NCOA1: variants seen among roughly 807,000 people sequenced by gnomAD.
NCOA1 encodes nuclear receptor coactivator 1.
NCOA1 carries 35 observed loss-of-function variants against 150.9 expected under a neutral mutation model. The observed-to-expected ratio is 0.23, with a 90% CI of 0.18 to 0.31. The LOEUF (loss-of-function observed/expected upper bound fraction) is 0.31, where lower values mean the gene tolerates loss of function less well. NCOA1 is among the 10% of genes least tolerant of loss of function. The probability of loss-of-function intolerance (pLI) is 1.00; values close to 1 mark genes in which losing one functional copy is unlikely to be tolerated. For missense variants in NCOA1, 1,491 were observed against 1,749.3 expected, an observed-to-expected ratio of 0.85 and a Z score of 2.63; for synonymous variants, 590 against 630.0, an observed-to-expected ratio of 0.94 and a Z score of 0.95.
chr2:24,602,298 C>T (rs1668157715), intron 3 of NCOA1, among the ~76,000 whole-genome samples: 1 of 152,042 alleles, frequency 6.6e-6, no homozygotes, highest in Non-Finnish European at 1.5e-5. Flanking sequence ...CCTCCCAGGC[C>T]CAAGCAGTTC....
At chr2:24,509,747 G>T (rs183464652) in intron 1 of NCOA1, among the ~76,000 whole-genome samples, 6 of 152,304 alleles carry the variant, frequency 3.9e-5, no homozygotes, top group African/African-American at 1.4e-4. Flanking sequence ...GCTTAGTACA[G>T]ATGGGTTTAA....
intron 22 of NCOA1, among the ~76,000 whole-genome samples, 158 bp downstream of exon 22, chr2:24,762,934 G>A (rs1201112093): frequency 6.6e-6 from 1 of 152,186 alleles, no homozygotes; most frequent in Non-Finnish European, 1.5e-5. Flanking sequence ...ATGTTATGGA[G>A]CTTTCCTGAG....
At chr2:24,709,554 C>A (rs1472688421) in intron 13 of NCOA1, among the ~76,000 whole-genome samples, 1 of 151,970 alleles carries the variant, frequency 6.6e-6, no homozygotes, top group African/African-American at 2.4e-5. Context: ...ATGTATGAGT[C>A]CTTTATTGGA....
At chr2:24,578,296 A>G (rs1417700855) in intron 2 of NCOA1, among the ~76,000 whole-genome samples, 1 of 152,118 alleles carries the variant, frequency 6.6e-6, no homozygotes, top group Non-Finnish European at 1.5e-5. Flanking sequence ...TCATATGCAA[A>G]TGTTATGGTT....
At chr2:24,627,121 G>GTTTTTTTTTTTTTTTTTTT (rs33949925) in intron 3 of NCOA1, among the ~76,000 whole-genome samples, 1 of 115,160 alleles carries the variant, frequency 8.7e-6, no homozygotes, top group Non-Finnish European at 1.7e-5. Context: ...GTTTTTTGCT[G>GTTTTTTTTTTTTTTTTTTT]TTTTTTTTTT....
chr2:24,612,978 C>A (rs1394638203), intron 3 of NCOA1, among the ~76,000 whole-genome samples: 2 of 152,150 alleles, frequency 1.3e-5, no homozygotes, highest in Non-Finnish European at 1.5e-5. Flanking sequence ...GGCCAGAATT[C>A]TTGCACTGGT....
chr2:24,686,027 G>A lies in NCOA1; in HGVS notation c.532+2899G>A, dbSNP rs553214707. 3.0e-4 allele frequency among the ~76,000 whole-genome samples: 46 copies of A among 152,242 alleles called. 1 individual carries two copies. The South Asian group carries it at 9.5e-3, about 32-fold the overall frequency. On this transcript the variant is annotated intron_variant, in intron 8 of 22. Transcript: ENST00000348332. ...TTATTTCTTTATATTTTGAGACAGA[G>A]TTTCACTCTTGTCACCCAGGCTGGA...
intron 6 of NCOA1, among the ~76,000 whole-genome samples, chr2:24,671,602 C>A (rs1051889539): frequency 6.6e-6 from 1 of 152,202 alleles, no homozygotes; most frequent in East Asian, 1.9e-4. Flanking sequence ...ACTCTGTCAC[C>A]CAGGCTGGAG....
chr2:24,710,388 G>A (rs182419175), intron 13 of NCOA1, among the ~76,000 whole-genome samples: 15 of 152,176 alleles, frequency 9.9e-5, no homozygotes, highest in African/African-American at 3.1e-4. Flanking sequence ...CATGGCACCC[G>A]GCCTCCCTAT....
Position 24,679,734 on chromosome 2 carries a change from C to A in NCOA1, c.355-3217C>A, listed in dbSNP as rs180824509. ...CCAATTTAGATATGAGTGTACTTTC[C>A]TGTGCTCATCTAAACCCAAAATATT... On this transcript the variant is annotated intron_variant, in intron 7 of 22. Coordinates refer to ENST00000348332, the MANE Select transcript of NCOA1 (RefSeq NM_003743.5). 7.4e-3 allele frequency among the ~76,000 whole-genome samples: 1,120 copies of A among 152,130 alleles called. 12 individuals are homozygous for A. The highest frequency in any genetic ancestry group is 0.025 in the African/African-American group (1,048 of 41,478).
At chr2:24,686,797 C>T in intron 8 of NCOA1, among the ~76,000 whole-genome samples, 1 of 152,006 alleles carries the variant, frequency 6.6e-6, no homozygotes, top group Non-Finnish European at 1.5e-5. Context: ...TATTTAGCAG[C>T]TTATATTTGA....
rs911706123 is a variant in NCOA1 at position 24,491,356 on chromosome 2, G to T, written c.-642G>T. Among the ~76,000 whole-genome samples, 2 of 148,122 alleles carry T rather than the reference G, an allele frequency of 1.4e-5. No homozygotes were observed. Among genetic ancestry groups the T allele is most frequent in the African/African-American group, 4.9e-5 (2 of 41,072 alleles). The stretch of plus-strand genomic sequence containing the variant: ...GCGGGAGTCTGACGCGATTTGCTGA[G>T]CTCTGTCCTCCGACGGCTGCCTCGC... On this transcript the variant is annotated 5_prime_UTR_variant, in exon 1 of 23. Coordinates refer to ENST00000348332, the MANE Select transcript of NCOA1 (RefSeq NM_003743.5).
At chr2:24,555,742 GTTTGT>G (rs1395605365) in intron 1 of NCOA1, among the ~76,000 whole-genome samples, 4 of 152,106 alleles carry the variant, frequency 2.6e-5, no homozygotes, top group Non-Finnish European at 5.9e-5. Flanking sequence ...TTGTTCTGAG[GTTTGT>G]TTTGTCGATA....
At chr2:24,640,602 G>A (rs575611064) in intron 3 of NCOA1, among the ~76,000 whole-genome samples, 6 of 152,120 alleles carry the variant, frequency 3.9e-5, no homozygotes, top group Non-Finnish European at 8.8e-5. Context: ...AAGCCTGGGA[G>A]CTCAAGACCA....
chr2:24,711,178 C>T lies in NCOA1; in HGVS notation c.2599+67C>T, dbSNP rs55775621. Reference sequence around the variant, plus strand: ...TAATGTGGATTAGCATTTTGTCTCTCACCAGTATTACACAGATCCTTTGCT... The same window carrying T: ...TAATGTGGATTAGCATTTTGTCTCTTACCAGTATTACACAGATCCTTTGCT... On this transcript the variant is annotated intron_variant, in intron 14 of 22. Coordinates refer to ENST00000348332, the MANE Select transcript of NCOA1 (RefSeq NM_003743.5). 1,409 of 1,463,108 alleles carry T rather than the reference C, an allele frequency of 9.6e-4. 7 individuals are homozygous for T. In the African/African-American group the frequency reaches 0.017, roughly 18 times the overall value. The allele number at this position is 1,463,108 out of a possible 1,614,324, so 90.6% of individuals were successfully genotyped here. A position where few individuals can be genotyped will look rare whatever the true frequency, so the allele number is the denominator to read the frequency against.
At chr2:24,664,506 C>T (rs954342985) in intron 5 of NCOA1, among the ~76,000 whole-genome samples, 1 of 151,988 alleles carries the variant, frequency 6.6e-6, no homozygotes, top group Non-Finnish European at 1.5e-5. Context: ...GTCGAGAGAT[C>T]GAGACCATCC....
intron 1 of NCOA1, among the ~76,000 whole-genome samples, chr2:24,530,862 T>A (rs572814510): frequency 3.9e-4 from 60 of 152,360 alleles, no homozygotes; most frequent in Admixed American, 9.1e-4. Context: ...GGTTGATTAC[T>A]ATGTGGCCAA....
chr2:24,682,489 C>T (rs1672220572), intron 7 of NCOA1, among the ~76,000 whole-genome samples: 1 of 152,172 alleles, frequency 6.6e-6, no homozygotes, highest in South Asian at 2.1e-4. Flanking sequence ...ACCCCTGGCT[C>T]CATCTCAGTG....
chr2:24,581,417 A>T (rs1047528915), intron 2 of NCOA1, among the ~76,000 whole-genome samples: 2 of 152,210 alleles, frequency 1.3e-5, no homozygotes, highest in Admixed American at 6.5e-5. Context: ...TAGGCTCCCT[A>T]CTTCACCTTT....
Sources: gnomAD v4.1 joint callset for allele counts (sites outside exome capture counted in the v4.1 genomes callset) on GRCh38, gnomAD v4.1.1 for gene constraint, MANE v1.5 for transcripts, NCBI Gene and HGNC (gene_info 2026-07-23, HGNC 2026-07-21) for gene names.